Variants in PLS1 observed in about 807,000 individuals in gnomAD.
PLS1 encodes plastin-1.
PLS1 carries 32 observed loss-of-function variants against 73.7 expected under a neutral mutation model. The observed-to-expected ratio is 0.43, with a 90% CI of 0.33 to 0.58. The LOEUF is 0.58. Among genes scored for constraint, PLS1 ranks in the 20% least tolerant of loss-of-function variants. The probability of loss-of-function intolerance (pLI) is 0.04; values close to 1 mark genes in which losing one functional copy is unlikely to be tolerated. For missense variants in PLS1, 633 were observed against 740.5 expected (o/e 0.85, Z 1.68); for synonymous variants, 217 against 261.3 (o/e 0.83, Z 1.63).
Position 142,711,504 on chromosome 3 carries a change from A to G in PLS1, c.1633A>G (p.Lys545Glu). Reference sequence around the variant, plus strand: ...TCATCTATGCTTTATTTTCTAGGATAAATCTATAAGCACAAGTTTACCTGT... The same window carrying G: ...TCATCTATGCTTTATTTTCTAGGATGAATCTATAAGCACAAGTTTACCTGT... ...KKTSISSFKD[K>E]SISTSLPVLD... The change falls in exon 15 of 16, where the codon AAA becomes GAA. Residue 545 changes from lysine to glutamate, a missense_variant. Lys to Glu is a moderately conservative substitution (Grantham distance 56). Coordinates refer to ENST00000457734, the MANE Select transcript of PLS1 (RefSeq NM_001145319.2). 6.3e-7 allele frequency: 1 copy of G among 1,579,044 alleles called. No individual in the cohort carries two copies. The highest frequency in any genetic ancestry group is 8.7e-7 in the Non-Finnish European group (1 of 1,151,538).
chr3:142,597,618 G>T (rs1023233365), intron 1 of PLS1, among the ~76,000 whole-genome samples: 1 of 152,164 alleles, frequency 6.6e-6, no homozygotes, highest in Non-Finnish European at 1.5e-5. Flanking sequence ...AGTTTTGGCT[G>T]TAGAGACCTT....
At chr3:142,711,814 A>G in intron 15 of PLS1, 58 bp from the exon 16 acceptor site, 2 of 1,558,042 alleles carry the variant, frequency 1.3e-6, no homozygotes, top group Non-Finnish European at 1.8e-6. Flanking sequence ...CTTTTGTTAA[A>G]ATATGTTAAG....
At chr3:142,657,269 G>A (rs1009507590) in intron 1 of PLS1, 4 of 152,190 alleles carry the variant, frequency 2.6e-5, no homozygotes, top group Non-Finnish European at 5.9e-5. Flanking sequence ...TCCCTGTGGG[G>A]GCAATCTTTC....
chr3:142,686,892 G>C (rs1048192079), intron 9 of PLS1, among the ~76,000 whole-genome samples: 2 of 152,162 alleles, frequency 1.3e-5, no homozygotes, highest in East Asian at 3.8e-4. Context: ...AACTCACCAG[G>C]GTGCTCTTTT....
chr3:142,654,933 C>T (rs1483606077), intron 1 of PLS1: 3 of 151,964 alleles, frequency 2.0e-5, no homozygotes, highest in Non-Finnish European at 4.4e-5. Flanking sequence ...ATCTAGTACT[C>T]CTTATGCTCT....
intron 10 of PLS1, among the ~76,000 whole-genome samples, chr3:142,692,408 C>T (rs2038103876): frequency 1.3e-5 from 2 of 152,068 alleles, no homozygotes; most frequent in Admixed American, 1.3e-4. Context: ...CTTTAGCTGT[C>T]TATAATCCAG....
chr3:142,671,756 T>C (rs1011677253), intron 4 of PLS1, among the ~76,000 whole-genome samples: 18 of 152,210 alleles, frequency 1.2e-4, no homozygotes, highest in African/African-American at 4.3e-4. Context: ...TTTTTATTTA[T>C]ATGAACATAA....
At chr3:142,637,034 C>G (rs1577814134) in intron 1 of PLS1, among the ~76,000 whole-genome samples, 1 of 152,162 alleles carries the variant, frequency 6.6e-6, no homozygotes, top group Admixed American at 6.5e-5. Flanking sequence ...TATACATTTA[C>G]CACGATTTCC....
chr3:142,629,452 C>T (rs796227444), intron 1 of PLS1, among the ~76,000 whole-genome samples: 11 of 152,308 alleles, frequency 7.2e-5, no homozygotes, highest in African/African-American at 2.4e-4. Context: ...CCACCCGCCT[C>T]GGCCTCCCAA....
intron 1 of PLS1, among the ~76,000 whole-genome samples, chr3:142,638,281 C>A (rs968222470): frequency 1.3e-5 from 2 of 152,144 alleles, no homozygotes; most frequent in Non-Finnish European, 2.9e-5. Flanking sequence ...GTCAGATACC[C>A]CAGATTGCAC....
chr3:142,686,612 A>G (rs759421569), intron 9 of PLS1, among the ~76,000 whole-genome samples: 3 of 152,074 alleles, frequency 2.0e-5, no homozygotes, highest in Non-Finnish European at 4.4e-5. Flanking sequence ...CTACTGTTCT[A>G]CTTTTTGACT....
rs141922293 is a variant in PLS1, at chr3:142,624,996, A to G, written c.-37+28487A>G. ...TTTAGATCAGTTTACCACCCAAAGC[A>G]TGATATTTGATTACCCTTATTAGGT... is the stretch of plus-strand genomic sequence containing the variant. On this transcript the variant is annotated intron_variant, in intron 1 of 15. Coordinates refer to ENST00000457734, the MANE Select transcript of PLS1 (RefSeq NM_001145319.2). 4.7e-3 allele frequency among the ~76,000 whole-genome samples: 723 copies of G among 152,250 alleles called. 5 individuals are homozygous for G. Among genetic ancestry groups the G allele is most frequent in the African/African-American group, 0.017 (693 of 41,530 alleles).
chr3:142,689,794 C>T lies in PLS1; in HGVS notation c.1158C>T (p.Ile386=), dbSNP rs748755008. ...TGCACAAGCCGAATAATAATGACAT[C>T]GATATGAATTTACTGGAAGGTGCGT... ...PCLHKPNNND[I]DMNLLEGESK... Residue 386 remains isoleucine, a synonymous_variant, in exon 10 of 16, where the codon ATC becomes ATT. Transcript: ENST00000457734. 3 of 1,585,272 alleles carry T rather than the reference C, an allele frequency of 1.9e-6. No homozygotes were observed. The highest frequency in any genetic ancestry group is 2.3e-5 in the South Asian group (2 of 86,508).
chr3:142,691,158 TAC>T (rs1004601398), intron 10 of PLS1, among the ~76,000 whole-genome samples: 5 of 152,110 alleles, frequency 3.3e-5, no homozygotes, highest in African/African-American at 7.2e-5. Context: ...ACCTCATAAT[TAC>T]AGTTTTGTGA....
chr3:142,651,422 A>G (rs1008798733), intron 1 of PLS1, among the ~76,000 whole-genome samples: 1 of 139,692 alleles, frequency 7.2e-6, no homozygotes, highest in Non-Finnish European at 1.5e-5. Flanking sequence ...AAATTGTGCC[A>G]TTGCACTCCG....
At chr3:142,607,877 A>T (rs1375084822) in intron 1 of PLS1, among the ~76,000 whole-genome samples, 4 of 151,086 alleles carry the variant, frequency 2.6e-5, no homozygotes, top group African/African-American at 9.8e-5. Flanking sequence ...AATTTGTCTG[A>T]ATTTTTTTTT....
At chr3:142,690,614 T>C (rs530185473) in intron 10 of PLS1, among the ~76,000 whole-genome samples, 13 of 152,340 alleles carry the variant, frequency 8.5e-5, no homozygotes, top group African/African-American at 2.2e-4. Context: ...GAATTCATGA[T>C]TTGATGTAAA....
At chr3:142,686,510 C>A in intron 9 of PLS1, 134 bp downstream of exon 9, 1 of 629,980 alleles carries the variant, frequency 1.6e-6, no homozygotes, top group South Asian at 1.9e-5. Context: ...TCACCATTAT[C>A]CATCTCTACA....
In PLS1 at chr3:142,664,241, G is replaced by A; in HGVS notation, c.4G>A (p.Glu2Lys). The A allele has an allele frequency of 6.4e-7, 1 of 1,563,924 alleles. No homozygotes were observed. The highest frequency in any genetic ancestry group is 8.7e-7 in the Non-Finnish European group (1 of 1,143,198). MENSTTTISREE... is the reference protein window; with the variant it reads MKNSTTTISREE... Reference sequence around the variant, plus strand: ...AGATAGTCTTTTCTGTCCAAAGATGGAAAACAGTACTACTACCATTTCTCG... The same window carrying A: ...AGATAGTCTTTTCTGTCCAAAGATGAAAAACAGTACTACTACCATTTCTCG... Residue 2 changes from glutamate (E) to lysine (K), a missense_variant, in exon 2 of 16, where the codon GAA becomes AAA. By Grantham distance (56) the Glu-to-Lys change is moderately conservative. Transcript: ENST00000457734.
Sources: gnomAD v4.1 joint callset for allele counts (sites outside exome capture counted in the v4.1 genomes callset) on GRCh38, gnomAD v4.1.1 for gene constraint, MANE v1.5 for transcripts, NCBI Gene and HGNC (gene_info 2026-07-23, HGNC 2026-07-21) for gene names.